LRRK1: variants seen among roughly 807,000 people sequenced by gnomAD.
The protein encoded by LRRK1 is leucine rich repeat kinase 1.
LRRK1 carries 113 observed loss-of-function variants against 209.1 expected under a neutral mutation model. The observed-to-expected ratio is 0.54, with a 90% CI of 0.46 to 0.63. The LOEUF (loss-of-function observed/expected upper bound fraction) is 0.63. Ranked by LOEUF, LRRK1 falls within the 30% of genes least tolerant of loss-of-function variation. The pLI, the probability that LRRK1 is intolerant of heterozygous loss-of-function variation, is 0.00. For missense variants in LRRK1, 2,284 were observed against 2,632.2 expected, an observed-to-expected ratio of 0.87 and a Z score of 2.89; for synonymous variants, 1,144 against 1,099.7, an observed-to-expected ratio of 1.04 and a Z score of -0.80.
intron 3 of LRRK1, 60 bp from the exon 4 acceptor site, chr15:100,983,468 G>C: frequency 6.8e-7 from 1 of 1,477,396 alleles, no homozygotes; most frequent in East Asian, 2.3e-5. Context: ...TTTAACGTCA[G>C]TTGTCTTGGC....
intron 7 of LRRK1, among the ~76,000 whole-genome samples, chr15:101,009,895 T>C (rs2033152394): frequency 2.0e-5 from 3 of 152,208 alleles, no homozygotes; most frequent in African/African-American, 4.8e-5. Context: ...CTGATTTCTT[T>C]TGGACACATA....
At chr15:100,923,058 C>T (rs1298586929) in intron 1 of LRRK1, among the ~76,000 whole-genome samples, 4 of 152,208 alleles carry the variant, frequency 2.6e-5, no homozygotes, top group Admixed American at 1.3e-4. Context: ...TGCCCTCCAG[C>T]ATTGATATTC....
At chr15:100,942,511 A>G (rs939788367) in intron 2 of LRRK1, among the ~76,000 whole-genome samples, 1 of 152,226 alleles carries the variant, frequency 6.6e-6, no homozygotes, top group Admixed American at 6.5e-5. Context: ...CATGGCTCAC[A>G]GTTATGGAAG....
rs2036856019 is a variant in LRRK1 at position 101,072,948 on chromosome 15, C to CGGGGGGAG, written c.*4107_*4114dup. 2.2e-5 allele frequency: 2 copies of CGGGGGGAG among 89,788 alleles called. No homozygotes were observed. Among genetic ancestry groups the CGGGGGGAG allele is most frequent in the Non-Finnish European group, 5.1e-5 (2 of 38,970 alleles). The allele number at this position is 89,788 out of a possible 1,614,324, so 5.6% of individuals were successfully genotyped here. ...ATTAAATTTGGTGCCGTAACTGGCG[C>CGGGGGGAG]GGGGGGAGGGGGGGGGGAACCTCCC... On this transcript the variant is annotated 3_prime_UTR_variant, in exon 34 of 34. Coordinates refer to ENST00000388948, the MANE Select transcript of LRRK1 (RefSeq NM_024652.6).
chr15:100,999,332 A>G (rs1209280840), intron 6 of LRRK1, among the ~76,000 whole-genome samples: 1 of 152,218 alleles, frequency 6.6e-6, no homozygotes, highest in African/African-American at 2.4e-5. Context: ...AAAAGTGATG[A>G]ATTTTACTAA....
rs201045485 is a variant in LRRK1, at chr15:100,988,800, G to A, written c.600G>A (p.Ala200=). ...TCATCGTGCGCTTGCCCCTGTATGC[G>A]GCCATCAAGTCAGGTGGGTTTCCCC... ...FPVIVRLPLY[A]AIKSGNEDIA... Residue 200 remains alanine, a synonymous_variant, in exon 5 of 34, where the codon GCG becomes GCA. Transcript: ENST00000388948. The A allele has an allele frequency of 4.3e-5, 69 of 1,602,250 alleles. 1 individual carries two copies. Among genetic ancestry groups the A allele is most frequent in the African/African-American group, 1.6e-4 (12 of 74,738 alleles).
chr15:101,000,817 T>G (rs1468236610), intron 6 of LRRK1, among the ~76,000 whole-genome samples: 1 of 152,204 alleles, frequency 6.6e-6, no homozygotes, highest in Non-Finnish European at 1.5e-5. Context: ...TTAATTAAAG[T>G]CACATTCCGC....
chr15:100,989,704 G>A, intron 6 of LRRK1: 1 of 519,300 alleles, frequency 1.9e-6, no homozygotes, highest in Non-Finnish European at 3.4e-6. Flanking sequence ...GGCCTTCTTG[G>A]CCTAATCACC....
intron 2 of LRRK1, among the ~76,000 whole-genome samples, chr15:100,972,231 G>A (rs771938245): frequency 2.0e-4 from 30 of 151,988 alleles, no homozygotes; most frequent in Non-Finnish European, 3.5e-4. Context: ...CCAAAGTGCT[G>A]GGATTACAGG....
In LRRK1 at chr15:101,066,041, T is replaced by C. The variant is rs755104874; in HGVS notation, c.5604T>C (p.Ser1868=). 32 of 1,614,010 alleles carry C rather than the reference T, an allele frequency of 2.0e-5. No individual in the cohort carries two copies. The highest frequency in any genetic ancestry group is 2.6e-5 in the Non-Finnish European group (31 of 1,180,034). The change falls in exon 32 of 34, where the codon AGT becomes AGC. Residue 1868 remains serine (S), a synonymous_variant. Transcript: ENST00000388948. ...CCAGCTCCCCAGCAAGTTCTTCCAG[T>C]GTGCCTTTCTCCACCGACTGCGAGG... ...SLPSSPASSS[S]VPFSTDCEDS... is the part of the protein sequence containing the mutation.
chr15:100,923,746 G>A (rs1432379977), intron 1 of LRRK1, among the ~76,000 whole-genome samples: 1 of 152,166 alleles, frequency 6.6e-6, no homozygotes, highest in African/African-American at 2.4e-5. Flanking sequence ...AACTTTTGGG[G>A]CCAGATAATT....
At chr15:101,050,679 A>G (rs1405344773) in intron 23 of LRRK1, 1 of 152,432 alleles carries the variant, frequency 6.6e-6, no homozygotes, top group Non-Finnish European at 1.5e-5. Context: ...GAAGGTGGCT[A>G]AGAGGCAGTG....
At chr15:100,970,761 T>G (rs1224446998) in intron 2 of LRRK1, among the ~76,000 whole-genome samples, 3 of 152,192 alleles carry the variant, frequency 2.0e-5, no homozygotes, top group African/African-American at 7.2e-5. Context: ...AATCTATAGA[T>G]AAAATCAAAG....
chr15:100,987,474 T>C (rs1357293070), intron 4 of LRRK1, among the ~76,000 whole-genome samples: 1 of 152,208 alleles, frequency 6.6e-6, no homozygotes, highest in Non-Finnish European at 1.5e-5. Context: ...TGTTATTTCA[T>C]CCTGGAATTA....
rs41425846 is a variant in LRRK1 at position 101,049,698 on chromosome 15, T to C, written c.3354T>C (p.Ile1118=). The change falls in exon 23 of 34, where the codon ATT becomes ATC. Residue 1118 remains isoleucine, a synonymous_variant. Transcript: ENST00000388948. ...AGAAGAAAAGCGGAGGAATGAAAAT[T>C]GTTTGCCAATCAGAAGTGAGGGACT... ...WKKKKSGGMK[I]VCQSEVRDFS... is the part of the protein sequence containing the mutation. 2 of 1,614,020 alleles carry C rather than the reference T, an allele frequency of 1.2e-6. No homozygotes were observed. Among genetic ancestry groups the C allele is most frequent in the Admixed American group, 3.3e-5 (2 of 59,986 alleles).
chr15:101,065,475 A>G lies in LRRK1; in HGVS notation c.5038A>G (p.Ser1680Gly). Residue 1680 changes from serine (S) to glycine (G), a missense_variant, in exon 32 of 34, where the codon AGC (serine) becomes GGC (glycine). Transcript: ENST00000388948. ...CSHTANRSKF[S>G]IADEDARQNP... is the part of the protein sequence containing the mutation. The stretch of plus-strand genomic sequence containing the variant: ...ACACACAGCCAACAGGTCCAAGTTC[A>G]GCATCGCGGATGAAGACGCACGGCA... The G allele has an allele frequency of 6.2e-7, 1 of 1,614,230 alleles. No individual in the cohort carries two copies.
intron 2 of LRRK1, among the ~76,000 whole-genome samples, chr15:100,929,084 G>T (rs950091618): frequency 6.6e-6 from 1 of 152,178 alleles, no homozygotes; most frequent in Non-Finnish European, 1.5e-5. Context: ...GTCATTAGAT[G>T]TTCATTCTTC....
chr15:101,069,290 A>T lies in LRRK1; in HGVS notation c.*442A>T. Reference sequence around the variant, plus strand: ...GAGGTAGGGCAGGAGGGGGGCTGTGACCCCTGCCCTTTCCCCGCCAGAGAC... The same window carrying T: ...GAGGTAGGGCAGGAGGGGGGCTGTGTCCCCTGCCCTTTCCCCGCCAGAGAC... On this transcript the variant is annotated 3_prime_UTR_variant, in exon 34 of 34. Transcript: ENST00000388948. The T allele has an allele frequency of 6.5e-6, 1 of 153,542 alleles. No individual in the cohort carries two copies. Among genetic ancestry groups the T allele is most frequent in the Non-Finnish European group, 1.5e-5 (1 of 68,714 alleles). 9.5% of individuals were successfully genotyped at this position (153,542 alleles called of 1,614,324 possible).
intron 22 of LRRK1, 142 bp downstream of exon 22, chr15:101,048,799 T>A (rs2035228274): frequency 1.8e-5 from 11 of 624,616 alleles, no homozygotes; most frequent in Non-Finnish European, 2.8e-5. Flanking sequence ...TTGCTAGAAA[T>A]GTGAGGCCCT....
Sources: allele counts gnomAD v4.1 joint callset (sites outside exome capture counted in the v4.1 genomes callset), GRCh38; gene constraint gnomAD v4.1.1; transcripts MANE v1.5; gene names NCBI Gene and HGNC (gene_info 2026-07-23, HGNC 2026-07-21).